Variants in SWT1 observed in about 807,000 individuals in gnomAD.
SWT1 encodes transcriptional protein SWT1.
In SWT1, 33 loss-of-function variants were observed where a neutral mutation model predicts 107.3. That is an observed-to-expected ratio of 0.31 (90% CI 0.23 to 0.41). The LOEUF (loss-of-function observed/expected upper bound fraction) is 0.41, where lower values mean the gene tolerates loss of function less well. Among genes scored for constraint, SWT1 ranks in the 10% least tolerant of loss-of-function variants. The pLI, the probability that SWT1 is intolerant of heterozygous loss-of-function variation, is 1.00. For synonymous variants in SWT1, 345 were observed against 348.3 expected (o/e 0.99, Z 0.11); for missense variants, 898 against 1,028.9 (o/e 0.87, Z 1.74).
Position 185,290,740 on chromosome 1 carries a change from A to T in SWT1, c.2640A>T (p.Ala880=). ...AATATACCATGCAGCAGTGCAATGC[A>T]TCTGTTTATATGGAGGCCAAAAACA... The part of the protein sequence containing the change: ...EMEYTMQQCN[A]SVYMEAKNRG... The change falls in exon 19 of 19, where the codon GCA becomes GCT. Residue 880 remains alanine (A), a synonymous_variant. Transcript: ENST00000367500. The T allele has an allele frequency of 6.2e-7, 1 of 1,611,736 alleles. No individual in the cohort carries two copies. Among genetic ancestry groups the T allele is most frequent in the Non-Finnish European group, 8.5e-7 (1 of 1,178,366 alleles).
chr1:185,279,779 C>T (rs190699623), intron 18 of SWT1, among the ~76,000 whole-genome samples: 34 of 150,236 alleles, frequency 2.3e-4, no homozygotes, highest in African/African-American at 8.3e-4. Flanking sequence ...ACACCATTTC[C>T]CTGTGACTCA....
chr1:185,231,841 C>T, intron 16 of SWT1, 133 bp downstream of exon 16: 2 of 616,882 alleles, frequency 3.2e-6, no homozygotes, highest in Middle Eastern at 4.4e-4. Flanking sequence ...AAATCAAGTG[C>T]TTTCTTTTGT....
intron 18 of SWT1, chr1:185,280,985 G>C: frequency 6.8e-6 from 3 of 441,820 alleles, no homozygotes; most frequent in South Asian, 5.4e-5. Flanking sequence ...GAAAATACTT[G>C]ATATGTCCAA....
At chr1:185,206,450 A>G (rs560872610) in intron 12 of SWT1, among the ~76,000 whole-genome samples, 175 bp from the exon 13 acceptor site, 11 of 152,352 alleles carry the variant, frequency 7.2e-5, no homozygotes, top group African/African-American at 2.6e-4. Context: ...TACAAAAGCA[A>G]TTTGCAATGG....
chr1:185,170,116 A>C (rs923259780), intron 4 of SWT1, among the ~76,000 whole-genome samples: 8 of 152,256 alleles, frequency 5.3e-5, no homozygotes, highest in African/African-American at 1.9e-4. Flanking sequence ...CCAAGGTAGA[A>C]TTTGAACATT....
chr1:185,185,060 G>A (rs1656336691), intron 9 of SWT1, 129 bp downstream of exon 9: 1 of 587,066 alleles, frequency 1.7e-6, no homozygotes. Flanking sequence ...AAGGGGCATT[G>A]TGATGGTTTG....
chr1:185,181,708 G>A (rs968568451), intron 6 of SWT1, among the ~76,000 whole-genome samples: 2 of 152,192 alleles, frequency 1.3e-5, no homozygotes, highest in Non-Finnish European at 2.9e-5. Flanking sequence ...AACAAACTGA[G>A]ACCCAAAGTT....
intron 9 of SWT1, among the ~76,000 whole-genome samples, chr1:185,189,944 G>A (rs1241937210): frequency 1.3e-5 from 2 of 151,566 alleles, no homozygotes; most frequent in African/African-American, 4.8e-5. Context: ...TGCCTCCCAG[G>A]TTCAACTGAT....
intron 7 of SWT1, 49 bp downstream of exon 7, chr1:185,182,106 T>C (rs1383922273): frequency 5.2e-6 from 8 of 1,549,208 alleles, no homozygotes; most frequent in Non-Finnish European, 6.1e-6. Flanking sequence ...TTCCTAAAAA[T>C]TAATGTGCCA....
At chr1:185,182,137 T>A in intron 7 of SWT1, 80 bp downstream of exon 7, 1 of 1,405,564 alleles carries the variant, frequency 7.1e-7, no homozygotes, top group Non-Finnish European at 9.6e-7. Context: ...TTTATAATAT[T>A]TAGATGAAAA....
At chr1:185,233,617 G>A (rs956266656) in intron 16 of SWT1, among the ~76,000 whole-genome samples, 3 of 152,202 alleles carry the variant, frequency 2.0e-5, no homozygotes, top group Admixed American at 6.5e-5. Flanking sequence ...GCGGTTTTGA[G>A]TGAGTTTCTT....
chr1:185,228,653 T>G (rs898494394), intron 15 of SWT1, among the ~76,000 whole-genome samples: 1 of 152,220 alleles, frequency 6.6e-6, no homozygotes, highest in African/African-American at 2.4e-5. Context: ...TTTTTCATAC[T>G]TTCAGGCACT....
At chr1:185,290,572 A>T (rs1665196282) in intron 18 of SWT1, 102 bp from the exon 19 acceptor site, 1 of 761,934 alleles carries the variant, frequency 1.3e-6, no homozygotes, top group Admixed American at 3.5e-5. Context: ...TAATATATAT[A>T]TATTTTTTAT....
intron 17 of SWT1, among the ~76,000 whole-genome samples, chr1:185,273,559 C>A (rs527706650): frequency 6.6e-6 from 1 of 150,608 alleles, no homozygotes; most frequent in Admixed American, 6.6e-5. Flanking sequence ...AAAAATTAGC[C>A]GGGTATGGTG....
intron 17 of SWT1, among the ~76,000 whole-genome samples, chr1:185,275,915 G>C (rs10911700): frequency 6.6e-6 from 1 of 151,878 alleles, no homozygotes; most frequent in Non-Finnish European, 1.5e-5. Context: ...ACTTAGAAAT[G>C]TTTTTTAAGT....
intron 12 of SWT1, among the ~76,000 whole-genome samples, chr1:185,206,204 A>C (rs1446296204): frequency 1.3e-5 from 2 of 152,098 alleles, no homozygotes; most frequent in East Asian, 3.9e-4. Context: ...TGATACGCCC[A>C]CGTCGGCCTC....
intron 13 of SWT1, 58 bp downstream of exon 13, chr1:185,206,821 T>C (rs1658374058): frequency 7.5e-6 from 9 of 1,199,670 alleles, no homozygotes; most frequent in Non-Finnish European, 6.8e-6. Context: ...CTAGCAGATA[T>C]ATTTCCTGGG....
chr1:185,176,032 G>A (rs1655519123), intron 5 of SWT1, among the ~76,000 whole-genome samples: 1 of 152,220 alleles, frequency 6.6e-6, no homozygotes, highest in Non-Finnish European at 1.5e-5. Flanking sequence ...GCTCACGCCT[G>A]TAATCCCAGT....
chr1:185,268,912 G>A lies in SWT1; in HGVS notation c.2442-2411G>A, dbSNP rs1663608257. On this transcript the variant is annotated intron_variant, in intron 16 of 18. Transcript: ENST00000367500. ...CTTTTGCCCAGGCTTGAGTGCAGTG[G>A]CGCGATCTCGCCTCACTGCAAGCTC... Among the ~76,000 whole-genome samples, 3 of 149,400 alleles carry A rather than the reference G, an allele frequency of 2.0e-5. No individual in the cohort carries two copies. The South Asian group carries it at 6.3e-4, about 32-fold the overall frequency.
Sources: allele counts gnomAD v4.1 joint callset (sites outside exome capture counted in the v4.1 genomes callset), GRCh38; gene constraint gnomAD v4.1.1; transcripts MANE v1.5; gene names NCBI Gene and HGNC (gene_info 2026-07-23, HGNC 2026-07-21).